The following ANKRD29 variants were observed in gnomAD, a reference collection of about 807,000 sequenced individuals.
The protein encoded by ANKRD29 is ankyrin repeat domain-containing protein 29.
Under a neutral mutation model 38.0 loss-of-function variants are expected in ANKRD29, and 32 were observed. The ratio of observed to expected loss-of-function variants is 0.84; its 90% CI spans 0.64 to 1.13. ANKRD29 has a LOEUF of 1.13. Ranked by LOEUF, ANKRD29 falls within the 50% of genes most tolerant of loss-of-function variation. ANKRD29 has a pLI of 0.00. For synonymous variants in ANKRD29, 135 were observed against 152.4 expected (o/e 0.89, Z 0.84); for missense variants, 357 against 377.9 (o/e 0.94, Z 0.46).
intron 5 of ANKRD29, among the ~76,000 whole-genome samples, chr18:23,630,967 CAAAA>C (rs35627642): frequency 1.1e-5 from 1 of 89,798 alleles, no homozygotes. Flanking sequence ...GACCCTGTCT[CAAAA>C]AAAAAAAAAA....
chr18:23,648,898 T>A (rs2060174218), intron 2 of ANKRD29, 185 bp downstream of exon 2: 1 of 518,876 alleles, frequency 1.9e-6, no homozygotes, highest in Non-Finnish European at 3.3e-6. Flanking sequence ...TTTCCTTTTC[T>A]TTCTGACTTC....
At chr18:23,643,314 C>T (rs1233181712) in intron 3 of ANKRD29, among the ~76,000 whole-genome samples, 1 of 152,162 alleles carries the variant, frequency 6.6e-6, no homozygotes, top group African/African-American at 2.4e-5. Context: ...CCTCCCACTG[C>T]TTTATTACAG....
rs1367142171 is a variant in ANKRD29, at chr18:23,629,875, G to T, written c.506C>A (p.Ala169Glu). 6.2e-7 allele frequency: 1 copy of T among 1,613,926 alleles called. No homozygotes were observed. Among genetic ancestry groups the T allele is most frequent in the Non-Finnish European group, 8.5e-7 (1 of 1,180,022 alleles). ...DVIRLLLASG[A>E]KVNQPRQDGT... ...TACCTGCCTTGGCTGGTTGACTTTT[G>T]CTCCTGAAGCCAGCAGTAATCGAAT... The change falls in exon 6 of 10, where the codon GCA becomes GAA. Residue 169 changes from alanine to glutamate, a missense_variant. Ala to Glu is a moderately radical substitution (Grantham distance 107). Transcript: ENST00000592179.
intron 2 of ANKRD29, chr18:23,646,567 G>A: frequency 3.4e-6 from 1 of 290,274 alleles, no homozygotes; most frequent in Non-Finnish European, 6.5e-6. Flanking sequence ...TGCATTTTAA[G>A]GCAGCGATGA....
chr18:23,641,369 T>C (rs149123191), intron 3 of ANKRD29, among the ~76,000 whole-genome samples: 1 of 152,326 alleles, frequency 6.6e-6, no homozygotes, highest in Non-Finnish European at 1.5e-5. Flanking sequence ...CTGCTCCTGC[T>C]CCCTGGCCTC....
At chr18:23,660,002 TC>T (rs1174009608) in intron 1 of ANKRD29, among the ~76,000 whole-genome samples, 1 of 151,730 alleles carries the variant, frequency 6.6e-6, no homozygotes, top group Non-Finnish European at 1.5e-5. Flanking sequence ...TCCCAGCTAC[TC>T]GGGGGGCTGA....
chr18:23,603,807 T>C (rs2059543072), intron 9 of ANKRD29, among the ~76,000 whole-genome samples: 1 of 151,984 alleles, frequency 6.6e-6, no homozygotes, highest in African/African-American at 2.4e-5. Context: ...TGGAGGCTAA[T>C]GCAACTCCAT....
intron 1 of ANKRD29, among the ~76,000 whole-genome samples, chr18:23,659,535 G>C (rs1161775044): frequency 6.6e-6 from 1 of 152,028 alleles, no homozygotes; most frequent in Non-Finnish European, 1.5e-5. Context: ...ACGAGGTCAA[G>C]AGATCGAGAC....
chr18:23,612,856 G>A (rs917314504), intron 8 of ANKRD29, among the ~76,000 whole-genome samples: 2 of 152,112 alleles, frequency 1.3e-5, no homozygotes, highest in African/African-American at 2.4e-5. Context: ...GCTGGACCAC[G>A]GAGAGGAGGG....
intron 9 of ANKRD29, among the ~76,000 whole-genome samples, chr18:23,608,331 G>A (rs979459463): frequency 2.0e-5 from 3 of 152,196 alleles, no homozygotes; most frequent in Non-Finnish European, 4.4e-5. Flanking sequence ...GGAGTGGCTG[G>A]TAGGAAGCTG....
chr18:23,645,571 C>G (rs1165655407), intron 3 of ANKRD29, among the ~76,000 whole-genome samples: 1 of 152,094 alleles, frequency 6.6e-6, no homozygotes, highest in Non-Finnish European at 1.5e-5. Flanking sequence ...GAGACTCCAT[C>G]TTAAAAAAAA....
chr18:23,619,580 A>T lies in ANKRD29; in HGVS notation c.578T>A (p.Val193Glu), dbSNP rs1212205446. The T allele has an allele frequency of 6.3e-7, 1 of 1,597,412 alleles. No individual in the cohort carries two copies. The highest frequency in any genetic ancestry group is 2.2e-5 in the East Asian group (1 of 44,622). The change falls in exon 7 of 10, where the codon GTG (valine) becomes GAG (glutamate). Residue 193 changes from valine (V) to glutamate (E), a missense_variant. By Grantham distance (121) the Val-to-Glu change is moderately radical. Transcript: ENST00000592179. ...TCCGCGCAGCAGCATCACCCGCACC[A>T]CCTCGCTGTGGCCCATCTGGGACGC... is the stretch of plus-strand genomic sequence containing the variant. The part of the protein sequence containing the change: ...WIASQMGHSE[V>E]VRVMLLRGAD...
In ANKRD29 at chr18:23,617,163, G is replaced by A. The variant is rs146679284; in HGVS notation, c.723+569C>T. On this transcript the variant is annotated intron_variant, in intron 8 of 9. Transcript: ENST00000592179. The stretch of plus-strand genomic sequence containing the variant: ...ACCTGGGAGGCAGAGGTTGCAGTGA[G>A]CCGAGATCGTGCCATTGCACTCCAG... 8.8e-3 allele frequency among the ~76,000 whole-genome samples: 1,345 copies of A among 152,296 alleles called. 18 individuals are homozygous for A. The highest frequency in any genetic ancestry group is 0.027 in the African/African-American group (1,113 of 41,552).
intron 9 of ANKRD29, among the ~76,000 whole-genome samples, chr18:23,609,052 C>A (rs2059608123): frequency 6.6e-6 from 1 of 151,892 alleles, no homozygotes. Context: ...TGAGATCGCA[C>A]CATTGCACTC....
chr18:23,654,426 T>G (rs2060252049), intron 1 of ANKRD29, among the ~76,000 whole-genome samples: 1 of 151,496 alleles, frequency 6.6e-6, no homozygotes, highest in Non-Finnish European at 1.5e-5. Flanking sequence ...TCGAGACCAG[T>G]CTGGCCAACA....
At chr18:23,646,572 C>T (rs570568890) in intron 2 of ANKRD29, 9 of 273,014 alleles carry the variant, frequency 3.3e-5, no homozygotes, top group South Asian at 9.0e-5. Flanking sequence ...TTTAAGGCAG[C>T]GATGATATAT....
chr18:23,645,885 CA>C (rs1401061054), intron 3 of ANKRD29, among the ~76,000 whole-genome samples: 1 of 152,042 alleles, frequency 6.6e-6, no homozygotes, highest in Non-Finnish European at 1.5e-5. Context: ...ATAAATCCTA[CA>C]GTATCTCATC....
In ANKRD29 at chr18:23,616,603, AC is replaced by A. The variant is rs1382452409; in HGVS notation, c.723+1128del. On this transcript the variant is annotated intron_variant, in intron 8 of 9. Coordinates refer to ENST00000592179, the MANE Select transcript of ANKRD29 (RefSeq NM_173505.4). ...GTATATATATATATATACTATATAT[AC>A]TATATATATAGTGTATAGTAAATAC... Among the ~76,000 whole-genome samples the A allele has an allele frequency of 5.6e-3, 797 of 142,404 alleles. 6 individuals carry two copies. Among genetic ancestry groups the A allele is most frequent in the African/African-American group, 0.02 (767 of 37,626 alleles). The allele number at this position is 142,404 out of a possible 152,430, so 93.4% of individuals were successfully genotyped here.
intron 1 of ANKRD29, 100 bp from the exon 2 acceptor site, chr18:23,649,293 A>G (rs966654538): frequency 1.5e-5 from 13 of 857,574 alleles, no homozygotes; most frequent in African/African-American, 1.2e-4. Context: ...GAACATCCAG[A>G]TGTGTTGCAT....
Sources: gnomAD v4.1 joint callset for allele counts (sites outside exome capture counted in the v4.1 genomes callset) on GRCh38, gnomAD v4.1.1 for gene constraint, MANE v1.5 for transcripts, NCBI Gene and HGNC (gene_info 2026-07-23, HGNC 2026-07-21) for gene names.